SCAMP1: variants seen among roughly 807,000 people sequenced by gnomAD.
SCAMP1 encodes secretory carrier membrane protein 1.
SCAMP1 carries 15 observed loss-of-function variants against 41.8 expected under a neutral mutation model. The observed-to-expected ratio is 0.36, with a 90% CI of 0.24 to 0.55. The LOEUF (loss-of-function observed/expected upper bound fraction) is 0.55, where lower values mean the gene tolerates loss of function less well. Ranked by LOEUF, SCAMP1 falls within the 20% of genes least tolerant of loss-of-function variation. SCAMP1 has a pLI of 0.86. For missense variants in SCAMP1, 341 were observed against 412.6 expected (o/e 0.83, Z 1.50); for synonymous variants, 135 against 136.8 (o/e 0.99, Z 0.09).
intron 1 of SCAMP1, chr5:78,360,967 G>T (rs1027085787): frequency 3.8e-6 from 2 of 524,926 alleles, no homozygotes; most frequent in Non-Finnish European, 6.8e-6. Context: ...ACACGTCCCC[G>T]ACTGGTGAGG....
intron 6 of SCAMP1, among the ~76,000 whole-genome samples, chr5:78,439,307 C>A (rs1752854277): frequency 6.7e-6 from 1 of 149,474 alleles, no homozygotes; most frequent in Admixed American, 6.6e-5. Context: ...TTCTTCCTAG[C>A]ATCGATGGCC....
intron 6 of SCAMP1, among the ~76,000 whole-genome samples, chr5:78,443,865 CACGCTGGTCTTGAACTCCTG>C (rs1561278985): frequency 6.6e-6 from 1 of 151,804 alleles, no homozygotes; most frequent in African/African-American, 2.4e-5. Flanking sequence ...TGTATTGCCC[CACGCTGGTCTTGAACTCCTG>C]AGCTCAAGCG....
intron 6 of SCAMP1, among the ~76,000 whole-genome samples, chr5:78,437,250 T>C (rs1372327975): frequency 6.6e-6 from 1 of 152,250 alleles, no homozygotes; most frequent in African/African-American, 2.4e-5. Context: ...CAACACTATG[T>C]TGAATAGGAG....
chr5:78,377,523 C>T (rs1012110487), intron 1 of SCAMP1, among the ~76,000 whole-genome samples: 1 of 152,146 alleles, frequency 6.6e-6, no homozygotes, highest in African/African-American at 2.4e-5. Context: ...TTGCCTTTGG[C>T]ACAGAGGCCA....
intron 8 of SCAMP1, among the ~76,000 whole-genome samples, chr5:78,461,393 G>C (rs1447561334): frequency 6.6e-6 from 1 of 152,164 alleles, no homozygotes. Context: ...TTCTGCATGT[G>C]GCTAGCCAGT....
chr5:78,475,382 A>C, intron 8 of SCAMP1, 122 bp from the exon 9 acceptor site: 3 of 595,350 alleles, frequency 5.0e-6, no homozygotes, highest in African/African-American at 1.9e-5. Flanking sequence ...AATATTCTTG[A>C]TCTTAGGAAT....
chr5:78,371,979 A>G (rs1454312411), intron 1 of SCAMP1, among the ~76,000 whole-genome samples: 1 of 152,238 alleles, frequency 6.6e-6, no homozygotes, highest in East Asian at 1.9e-4. Flanking sequence ...GATTGATAGT[A>G]GAAGAAAACA....
At chr5:78,410,901 T>C (rs1752059520) in intron 2 of SCAMP1, among the ~76,000 whole-genome samples, 1 of 152,232 alleles carries the variant, frequency 6.6e-6, no homozygotes, top group Non-Finnish European at 1.5e-5. Context: ...TGATCAGTGA[T>C]GTTGAGCTTT....
At position 78,477,786 on chromosome 5, in the gene SCAMP1, T is replaced by C. The variant is rs931158930; in HGVS notation, c.*2118T>C. On this transcript the variant is annotated 3_prime_UTR_variant, in exon 9 of 9. Transcript: ENST00000621999. ...GAGAGAAAATTGTTTTTTAAAAATATATGTGCATTGAAATGATGGCAATGC... is the reference window on the plus strand; with the variant it reads ...GAGAGAAAATTGTTTTTTAAAAATACATGTGCATTGAAATGATGGCAATGC... 1.3e-5 allele frequency: 2 copies of C among 152,148 alleles called. No individual in the cohort carries two copies. The highest frequency in any genetic ancestry group is 4.8e-5 in the African/African-American group (2 of 41,458). 9.4% of individuals were successfully genotyped at this position (152,148 alleles called of 1,614,324 possible).
chr5:78,424,176 T>A (rs1458550155), intron 6 of SCAMP1, among the ~76,000 whole-genome samples: 1 of 151,762 alleles, frequency 6.6e-6, no homozygotes, highest in Non-Finnish European at 1.5e-5. Flanking sequence ...GCGCCCAGCC[T>A]CGAGAGGAAT....
intron 6 of SCAMP1, among the ~76,000 whole-genome samples, chr5:78,428,398 A>G (rs1752518551): frequency 6.6e-6 from 1 of 152,064 alleles, no homozygotes; most frequent in Non-Finnish European, 1.5e-5. Flanking sequence ...TTTCCCATTG[A>G]ATTGTTTGGA....
In SCAMP1 at chr5:78,438,357, A is replaced by G. The variant is rs565127456; in HGVS notation, c.633-11576A>G. Among the ~76,000 whole-genome samples, 28 of 152,324 alleles carry G rather than the reference A, an allele frequency of 1.8e-4. 1 individual carries two copies. Among genetic ancestry groups the G allele is most frequent in the Admixed American group, 6.5e-4 (10 of 15,306 alleles). Reference sequence around the variant, plus strand: ...CTTTCTCTTGTGAGCATTTAGCGCTATAAATTTCCCTCTACACACTGCTTT... The same window carrying G: ...CTTTCTCTTGTGAGCATTTAGCGCTGTAAATTTCCCTCTACACACTGCTTT... On this transcript the variant is annotated intron_variant, in intron 6 of 8. Coordinates refer to ENST00000621999, the MANE Select transcript of SCAMP1 (RefSeq NM_004866.6).
intron 6 of SCAMP1, among the ~76,000 whole-genome samples, chr5:78,438,699 G>C (rs1008054143): frequency 6.6e-6 from 1 of 152,214 alleles, no homozygotes; most frequent in African/African-American, 2.4e-5. Flanking sequence ...TGTTGATTTT[G>C]GGTGGACAGT....
At chr5:78,367,285 G>T (rs879501843) in intron 1 of SCAMP1, among the ~76,000 whole-genome samples, 1 of 152,090 alleles carries the variant, frequency 6.6e-6, no homozygotes, top group African/African-American at 2.4e-5. Context: ...AAATATAATG[G>T]CTTAAAATAA....
chr5:78,412,906 ATTC>A (rs1752116244), intron 2 of SCAMP1, among the ~76,000 whole-genome samples: 1 of 152,104 alleles, frequency 6.6e-6, no homozygotes, highest in Non-Finnish European at 1.5e-5. Context: ...TGTGTTTTCC[ATTC>A]TTAATTTGAC....
intron 7 of SCAMP1, among the ~76,000 whole-genome samples, chr5:78,453,825 ATGTTCTTCCATT>A (rs1246351511): frequency 2.0e-5 from 3 of 150,846 alleles, no homozygotes; most frequent in Non-Finnish European, 4.5e-5. Flanking sequence ...TGAGCATGGA[ATGTTCTTCCATT>A]TGTTTGTATC....
chr5:78,460,602 TC>T (rs1433700751), intron 8 of SCAMP1, among the ~76,000 whole-genome samples: 1 of 151,848 alleles, frequency 6.6e-6, no homozygotes, highest in Non-Finnish European at 1.5e-5. Context: ...GTTTTTTTTT[TC>T]TTGTTGATTT....
intron 7 of SCAMP1, among the ~76,000 whole-genome samples, chr5:78,456,281 G>A (rs1049587561): frequency 4.7e-5 from 7 of 150,370 alleles, no homozygotes; most frequent in Admixed American, 1.3e-4. Context: ...TCCTAGTCTC[G>A]ATGGTCTTTA....
intron 2 of SCAMP1, among the ~76,000 whole-genome samples, chr5:78,403,517 A>C (rs1751849642): frequency 6.6e-6 from 1 of 152,094 alleles, no homozygotes; most frequent in Non-Finnish European, 1.5e-5. Flanking sequence ...AAGAAAAATA[A>C]GACGTGGTGT....
Sources: allele counts gnomAD v4.1 joint callset (sites outside exome capture counted in the v4.1 genomes callset), GRCh38; gene constraint gnomAD v4.1.1; transcripts MANE v1.5; gene names NCBI Gene and HGNC (gene_info 2026-07-23, HGNC 2026-07-21).